The following GABBR1 variants were observed in gnomAD, a reference collection of about 807,000 sequenced individuals.
GABBR1 encodes gamma-aminobutyric acid type B receptor subunit 1.
Under a neutral mutation model 117.7 loss-of-function variants are expected in GABBR1, and 35 were observed. That is an observed-to-expected ratio of 0.30 (90% CI 0.23 to 0.39). The LOEUF is 0.39. Among genes scored for constraint, GABBR1 ranks in the 10% least tolerant of loss-of-function variants. GABBR1 has a pLI of 1.00. For synonymous variants in GABBR1, 442 were observed against 486.6 expected, an observed-to-expected ratio of 0.91 and a Z score of 1.21; for missense variants, 709 against 1,241.8, an observed-to-expected ratio of 0.57 and a Z score of 6.45.
intron 13 of GABBR1, among the ~76,000 whole-genome samples, chr6:29,612,333 G>A (rs1762633280): frequency 6.6e-6 from 1 of 152,036 alleles, no homozygotes; most frequent in South Asian, 2.1e-4. Flanking sequence ...CTCTTTTCAA[G>A]AGCAAAACCA....
chr6:29,631,611 G>A lies in GABBR1; in HGVS notation c.86-12C>T, dbSNP rs765229398. The A allele has an allele frequency of 1.2e-6, 2 of 1,612,698 alleles. No individual in the cohort carries two copies. Among genetic ancestry groups the A allele is most frequent in the Non-Finnish European group, 1.7e-6 (2 of 1,178,804 alleles). On this transcript the variant is annotated splice_polypyrimidine_tract_variant and intron_variant, in intron 2 of 22. Transcript: ENST00000377034. This position sits in a 1 kb window ranked among gnomAD's most constrained non-coding sequence, Gnocchi z 5.9. ...TATGATCTGGCAACCTAAGGGGTGA[G>A]TCGGGGAGGCATACAGAGAGGAATG... is the stretch of plus-strand genomic sequence containing the variant.
intron 11 of GABBR1, among the ~76,000 whole-genome samples, chr6:29,615,937 C>T (rs1459278934): frequency 6.6e-6 from 1 of 152,178 alleles, no homozygotes; most frequent in African/African-American, 2.4e-5. Flanking sequence ...CACGGTGGCT[C>T]ACGCCTGTAA....
At chr6:29,612,168 A>ATT (rs540730674) in intron 13 of GABBR1, among the ~76,000 whole-genome samples, 10 of 137,592 alleles carry the variant, frequency 7.3e-5, no homozygotes, top group African/African-American at 2.1e-4. Context: ...CACCCAGCTA[A>ATT]TTTTTTTTTT....
intron 6 of GABBR1, among the ~76,000 whole-genome samples, chr6:29,626,340 G>T (rs1399128690): frequency 5.9e-5 from 9 of 151,966 alleles, no homozygotes; most frequent in Non-Finnish European, 1.3e-4. Flanking sequence ...TTGATATTTG[G>T]TAAGATCACC....
In GABBR1 at chr6:29,605,834, A is replaced by G. The variant is rs1761891833; in HGVS notation, c.2312-138T>C. On this transcript the variant is annotated intron_variant, in intron 19 of 22. Coordinates refer to ENST00000377034, the MANE Select transcript of GABBR1 (RefSeq NM_001470.4). This position sits in a 1 kb window ranked among gnomAD's most constrained non-coding sequence, Gnocchi z 4.2. Reference sequence around the variant, plus strand: ...TCCAATCCAACCCCTCTGACCTAGCAAACCTCACCCTGTGTCCCCTATCCC... The same window carrying G: ...TCCAATCCAACCCCTCTGACCTAGCGAACCTCACCCTGTGTCCCCTATCCC... 9.8e-7 allele frequency: 1 copy of G among 1,020,838 alleles called. No homozygotes were observed. The highest frequency in any genetic ancestry group is 1.6e-5 in the South Asian group (1 of 63,006). 63.2% of individuals were successfully genotyped at this position (1,020,838 alleles called of 1,614,324 possible).
chr6:29,610,662 C>T (rs1279367060), intron 14 of GABBR1, among the ~76,000 whole-genome samples: 1 of 152,024 alleles, frequency 6.6e-6, no homozygotes, highest in Non-Finnish European at 1.5e-5. Context: ...CTGCCCACCC[C>T]CTGCCTCTAA....
chr6:29,615,646 G>T (rs55871431), intron 11 of GABBR1, among the ~76,000 whole-genome samples: 8,043 of 150,982 alleles, frequency 0.053, 318 homozygotes, highest in South Asian at 0.13. Flanking sequence ...AGGCACAGGG[G>T]GCTCACGCCT....
chr6:29,627,688 A>C lies in GABBR1; in HGVS notation c.497-42T>G. The C allele has an allele frequency of 6.5e-7, 1 of 1,532,570 alleles. No individual in the cohort carries two copies. Among genetic ancestry groups the C allele is most frequent in the Non-Finnish European group, 8.7e-7 (1 of 1,144,726 alleles). The allele number at this position is 1,532,570 out of a possible 1,614,324, so 94.9% of individuals were successfully genotyped here. A position where few individuals can be genotyped will look rare whatever the true frequency, so the allele number is the denominator to read the frequency against. On this transcript the variant is annotated intron_variant, in intron 5 of 22. Transcript: ENST00000377034. This position sits in a 1 kb window ranked among gnomAD's most constrained non-coding sequence, Gnocchi z 4.4. ...GGGGACCCGCGAGTGAGGCCGCGGG[A>C]GATGGGGGGAGTGGGAGGCCCACAC...
chr6:29,606,808 A>G lies in GABBR1; in HGVS notation c.2217+89T>C. 5.6e-6 allele frequency: 6 copies of G among 1,068,024 alleles called. No individual in the cohort carries two copies. The Admixed American group carries it at 1.0e-4, about 18-fold the overall frequency. The allele number at this position is 1,068,024 out of a possible 1,614,324, so 66.2% of individuals were successfully genotyped here. A position where few individuals can be genotyped will look rare whatever the true frequency, so the allele number is the denominator to read the frequency against. ...GAAGGCACTCTCTCCAAGTAGCTTC[A>G]TCCCTCAAGACACACACAGCCCCAG... is the stretch of plus-strand genomic sequence containing the variant. On this transcript the variant is annotated intron_variant, in intron 18 of 22. Coordinates refer to ENST00000377034, the MANE Select transcript of GABBR1 (RefSeq NM_001470.4). This position sits in a 1 kb window ranked among gnomAD's most constrained non-coding sequence, Gnocchi z 4.5.
rs1476849109 is a variant in GABBR1, at chr6:29,633,041, C to T, written c.-192G>A. On this transcript the variant is annotated 5_prime_UTR_variant, in exon 1 of 23. Transcript: ENST00000377034. This position sits in a 1 kb window ranked among gnomAD's most constrained non-coding sequence, Gnocchi z 4.4. Reference sequence around the variant, plus strand: ...CGCTTCCCCCAAACCCCACCCCTGTCTCTTCTTCCCCGGGGCGGCGGCAGC... The same window carrying T: ...CGCTTCCCCCAAACCCCACCCCTGTTTCTTCTTCCCCGGGGCGGCGGCAGC... 3 of 153,446 alleles carry T rather than the reference C, an allele frequency of 2.0e-5. No individual in the cohort carries two copies. Among genetic ancestry groups the T allele is most frequent in the Non-Finnish European group, 4.4e-5 (3 of 68,820 alleles). 9.5% of individuals were successfully genotyped at this position (153,446 alleles called of 1,614,324 possible).
Position 29,604,733 on chromosome 6 carries a change from T to A in GABBR1, c.2569-96A>T. ...GAGGTGGAAGGAATGCTGATAAGAG[T>A]TGGGCCCAAAACAAGGGGAGGAGTG... On this transcript the variant is annotated intron_variant, in intron 21 of 22. Coordinates refer to ENST00000377034, the MANE Select transcript of GABBR1 (RefSeq NM_001470.4). The surrounding 1 kb of genome is among the most constrained non-coding windows in gnomAD (Gnocchi z 5.3). The A allele has an allele frequency of 6.3e-7, 1 of 1,595,466 alleles. No individual in the cohort carries two copies. Among genetic ancestry groups the A allele is most frequent in the Non-Finnish European group, 8.6e-7 (1 of 1,168,304 alleles).
Position 29,606,687 on chromosome 6 carries a change from C to A in GABBR1, c.2218-203G>T, listed in dbSNP as rs61562651. 218 of 633,170 alleles carry A rather than the reference C, an allele frequency of 3.4e-4. 1 individual carries two copies. In the African/African-American group the frequency reaches 3.7e-3, roughly 11 times the overall value. 39.2% of individuals were successfully genotyped at this position (633,170 alleles called of 1,614,324 possible). ...CCCTGATGCCTGGAAGTTCTACACA[C>A]CCTTCCCAGATTCCCACCCCTTCCT... is the stretch of plus-strand genomic sequence containing the variant. On this transcript the variant is annotated intron_variant, in intron 18 of 22. Coordinates refer to ENST00000377034, the MANE Select transcript of GABBR1 (RefSeq NM_001470.4). The surrounding 1 kb of genome is among the most constrained non-coding windows in gnomAD (Gnocchi z 4.5).
At chr6:29,618,210 C>T (rs960356420) in intron 11 of GABBR1, among the ~76,000 whole-genome samples, 1 of 152,150 alleles carries the variant, frequency 6.6e-6, no homozygotes, top group Non-Finnish European at 1.5e-5. Context: ...TCAAAAAAAT[C>T]ACCCAGAAAG....
At chr6:29,628,223 G>T in intron 5 of GABBR1, 1 of 954,640 alleles carries the variant, frequency 1.0e-6, no homozygotes, top group Non-Finnish European at 1.2e-6. Context: ...GAGGAGGAAA[G>T]GAACGAAAGA....
Position 29,604,694 on chromosome 6 carries a change from C to T in GABBR1, c.2569-57G>A. On this transcript the variant is annotated intron_variant, in intron 21 of 22. Coordinates refer to ENST00000377034, the MANE Select transcript of GABBR1 (RefSeq NM_001470.4). The surrounding 1 kb of genome is among the most constrained non-coding windows in gnomAD (Gnocchi z 5.3). ...CAGCAAGGACTGTACTAGTGACTGG[C>T]TGATGGAAGGTTGGAGGTGGAAGGA... is the stretch of plus-strand genomic sequence containing the variant. 8 of 1,608,568 alleles carry T rather than the reference C, an allele frequency of 5.0e-6. No homozygotes were observed. The highest frequency in any genetic ancestry group is 6.8e-6 in the Non-Finnish European group (8 of 1,176,310).
Position 29,604,435 on chromosome 6 carries a change from G to C in GABBR1, c.2712+59C>G. On this transcript the variant is annotated intron_variant, in intron 22 of 22. Transcript: ENST00000377034. The surrounding 1 kb of genome is among the most constrained non-coding windows in gnomAD (Gnocchi z 5.3). ...TCAGGCTTGGCTTCAGACAACCCAA[G>C]CTAAGACGCAAGCCTCCTGGACCAC... 6.2e-7 allele frequency: 1 copy of C among 1,606,020 alleles called. No individual in the cohort carries two copies.
At position 29,622,209 on chromosome 6, in the gene GABBR1, G is replaced by A. The variant is rs746659232; in HGVS notation, c.964-4C>T. The A allele has an allele frequency of 1.2e-6, 2 of 1,609,606 alleles. No individual in the cohort carries two copies. Among genetic ancestry groups the A allele is most frequent in the Middle Eastern group, 1.7e-4 (1 of 6,052 alleles). ...GTTCCTCCAGGTCGTCCAGAGTCTT[G>A]GGTGGGAATAAAAAACAAGTTGGAA... On this transcript the variant is annotated splice_region_variant and splice_polypyrimidine_tract_variant and intron_variant, in intron 8 of 22. Transcript: ENST00000377034. This position sits in a 1 kb window ranked among gnomAD's most constrained non-coding sequence, Gnocchi z 4.6.
chr6:29,621,022 T>A lies in GABBR1; in HGVS notation c.1323+79A>T. 7.7e-7 allele frequency: 1 copy of A among 1,305,844 alleles called. No individual in the cohort carries two copies. The highest frequency in any genetic ancestry group is 1.1e-6 in the Non-Finnish European group (1 of 941,042). 80.9% of individuals were successfully genotyped at this position (1,305,844 alleles called of 1,614,324 possible). On this transcript the variant is annotated intron_variant, in intron 11 of 22. Coordinates refer to ENST00000377034, the MANE Select transcript of GABBR1 (RefSeq NM_001470.4). The surrounding 1 kb of genome is among the most constrained non-coding windows in gnomAD (Gnocchi z 5.0). ...ATATCCAAATTCCGCACCCTCTCCC[T>A]GCCACCCTTTCCCCTGCAAGGCCCC...
intron 14 of GABBR1, among the ~76,000 whole-genome samples, chr6:29,610,367 C>T (rs28359966): frequency 0.039 from 5,921 of 152,268 alleles, 148 homozygotes; most frequent in Middle Eastern, 0.14. Context: ...GCACACTAAA[C>T]GCCCGGACTT....
Sources: allele counts gnomAD v4.1 joint callset (sites outside exome capture counted in the v4.1 genomes callset), GRCh38; gene constraint gnomAD v4.1.1; non-coding constraint Gnocchi (gnomAD v3.1); transcripts MANE v1.5; gene names NCBI Gene and HGNC (gene_info 2026-07-23, HGNC 2026-07-21).